HIGD1C: variants seen among roughly 807,000 people sequenced by gnomAD.
HIGD1C encodes the protein HIG1 hypoxia inducible domain family member 1C.
HIGD1C carries 11 observed loss-of-function variants against 13.1 expected under a neutral mutation model. The observed-to-expected ratio is 0.84, with a 90% CI of 0.53 to 1.39. The LOEUF (loss-of-function observed/expected upper bound fraction) is 1.39, where lower values mean the gene tolerates loss of function less well. Among genes scored for constraint, HIGD1C ranks in the 40% most tolerant of loss-of-function variants. HIGD1C has a pLI of 0.00. For synonymous variants in HIGD1C, 36 were observed against 37.7 expected, an observed-to-expected ratio of 0.95 and a Z score of 0.17; for missense variants, 110 against 112.0, an observed-to-expected ratio of 0.98 and a Z score of 0.08.
chr12:50,962,713 AT>A (rs1469784260), intron 2 of HIGD1C, among the ~76,000 whole-genome samples: 3 of 152,062 alleles, frequency 2.0e-5, no homozygotes, highest in Non-Finnish European at 4.4e-5. Context: ...AGAAAAAAAA[AT>A]TTTTTTGCTA....
At chr12:50,940,151 T>C in the HIGD1C span, 1 of 152,196 alleles carries the variant, frequency 6.6e-6, no homozygotes, top group South Asian at 2.1e-4. Context: ...AGCACCCTCA[T>C]GAGAAGCACT....
the HIGD1C span, among the ~76,000 whole-genome samples, chr12:50,943,072 G>A: frequency 6.6e-6 from 1 of 151,248 alleles, no homozygotes; most frequent in Non-Finnish European, 1.5e-5. Context: ...CACCATGTTG[G>A]CCAGGCTGGT....
chr12:50,954,149 C>A, intron 1 of HIGD1C, 57 bp downstream of exon 3: 1 of 1,023,492 alleles, frequency 9.8e-7, no homozygotes, highest in Non-Finnish European at 1.5e-6. Context: ...GATGCCTTAC[C>A]CAGTGCCTTT....
At chr12:50,937,943 AT>A in the HIGD1C span, among the ~76,000 whole-genome samples, 1 of 152,084 alleles carries the variant, frequency 6.6e-6, no homozygotes. Flanking sequence ...TGGGAAAAGC[AT>A]TATCTGATTG....
chr12:50,936,399 C>T, the HIGD1C span, among the ~76,000 whole-genome samples: 1 of 152,174 alleles, frequency 6.6e-6, no homozygotes, highest in Admixed American at 6.5e-5. Flanking sequence ...CATGAGCTAT[C>T]ACACTCAGCT....
At chr12:50,943,775 C>A in the HIGD1C span, among the ~76,000 whole-genome samples, 22 of 152,044 alleles carry the variant, frequency 1.4e-4, no homozygotes, top group African/African-American at 5.1e-4. Flanking sequence ...ATGCTTCTAT[C>A]CTCTCACCTT....
intron 2 of HIGD1C, among the ~76,000 whole-genome samples, chr12:50,965,506 T>A (rs941156457): frequency 2.0e-5 from 3 of 152,282 alleles, no homozygotes; most frequent in African/African-American, 7.2e-5. Context: ...GTGTAAGAAT[T>A]CTGACAGTTG....
At position 50,970,308 on chromosome 12, in the gene HIGD1C, A is replaced by C. The variant is rs939849272; in HGVS notation, c.230-134A>C. The C allele has an allele frequency of 2.9e-5, 19 of 656,296 alleles. No individual in the cohort carries two copies. The African/African-American group carries it at 3.0e-4, about 10-fold the overall frequency. 40.7% of individuals were successfully genotyped at this position (656,296 alleles called of 1,614,324 possible). On this transcript the variant is annotated intron_variant, in intron 2 of 2. Coordinates refer to ENST00000398455, the Ensembl canonical transcript of HIGD1C. Reference sequence around the variant, plus strand: ...AGTCACTTGTATGATCCAAACCAAAAACTAGTAAGAAGGAGGGCCTTTGTT... The same window carrying C: ...AGTCACTTGTATGATCCAAACCAAACACTAGTAAGAAGGAGGGCCTTTGTT...
chr12:50,960,979 T>C, exon 2 of HIGD1C: 8 of 1,591,622 alleles, frequency 5.0e-6, no homozygotes, highest in Non-Finnish European at 6.9e-6. Flanking sequence ...TATAGCAGGC[T>C]TTGTGACTGT....
the HIGD1C span, among the ~76,000 whole-genome samples, chr12:50,936,467 A>G: frequency 6.6e-6 from 1 of 152,212 alleles, no homozygotes; most frequent in African/African-American, 2.4e-5. Flanking sequence ...CAAGACAGGG[A>G]TAATTATCCC....
chr12:50,964,004 A>G (rs1372104952), intron 2 of HIGD1C, among the ~76,000 whole-genome samples: 2 of 152,220 alleles, frequency 1.3e-5, no homozygotes, highest in Non-Finnish European at 2.9e-5. Flanking sequence ...GAATCCCTTC[A>G]TACGTCTTTG....
intron 1 of HIGD1C, among the ~76,000 whole-genome samples, chr12:50,954,857 A>G (rs1939032237): frequency 6.6e-6 from 1 of 152,224 alleles, no homozygotes; most frequent in Admixed American, 6.5e-5. Flanking sequence ...GCTCTGAGTA[A>G]AAGCCTGGAT....
intron 1 of HIGD1C, among the ~76,000 whole-genome samples, chr12:50,957,303 T>G (rs1939134147): frequency 6.6e-6 from 1 of 151,826 alleles, no homozygotes; most frequent in Non-Finnish European, 1.5e-5. Flanking sequence ...CTCCACCTCC[T>G]GGGCTCAAGC....
upstream of HIGD1C, among the ~76,000 whole-genome samples, chr12:50,952,243 A>C (rs902537982): frequency 6.6e-6 from 1 of 152,164 alleles, no homozygotes; most frequent in Non-Finnish European, 1.5e-5. Context: ...AAGAAAAGGC[A>C]TAAGTCTGCT....
chr12:50,953,392 TTA>T (rs1938970534), upstream of HIGD1C, among the ~76,000 whole-genome samples: 1 of 152,220 alleles, frequency 6.6e-6, no homozygotes, highest in African/African-American at 2.4e-5. Context: ...TCTGTTGTGA[TTA>T]TAGTTGCTTT....
the HIGD1C span, among the ~76,000 whole-genome samples, chr12:50,944,475 T>A: frequency 1.3e-5 from 2 of 151,892 alleles, no homozygotes; most frequent in African/African-American, 4.8e-5. Context: ...AGGCAACATG[T>A]CTCAAAAAGG....
intron 1 of HIGD1C, among the ~76,000 whole-genome samples, chr12:50,958,351 G>A (rs1011172209): frequency 6.8e-6 from 1 of 147,360 alleles, no homozygotes; most frequent in Non-Finnish European, 1.5e-5. Context: ...GCACTATCTC[G>A]GCTCACTGCA....
chr12:50,970,296 A>C, intron 2 of HIGD1C, 146 bp from the exon 5 acceptor site: 2 of 645,432 alleles, frequency 3.1e-6, no homozygotes, highest in Non-Finnish European at 5.5e-6. Flanking sequence ...CACTTGTATG[A>C]TCCAAACCAA....
At chr12:50,940,897 T>C in the HIGD1C span, among the ~76,000 whole-genome samples, 1 of 151,758 alleles carries the variant, frequency 6.6e-6, no homozygotes, top group Non-Finnish European at 1.5e-5. Context: ...CAGACTGGAG[T>C]GCAGTGATAC....
Sources: allele counts gnomAD v4.1 joint callset (sites outside exome capture counted in the v4.1 genomes callset), GRCh38; gene constraint gnomAD v4.1.1; transcripts MANE v1.5; gene names NCBI Gene and HGNC (gene_info 2026-07-23, HGNC 2026-07-21).